CNTN5: variants seen among roughly 807,000 people sequenced by gnomAD.
The protein encoded by CNTN5 is contactin-5.
CNTN5 carries 77 observed loss-of-function variants against 129.1 expected under a neutral mutation model. The ratio of observed to expected loss-of-function variants is 0.60; its 90% CI spans 0.50 to 0.72. The LOEUF (loss-of-function observed/expected upper bound fraction) is 0.72, where lower values mean the gene tolerates loss of function less well. Among genes scored for constraint, CNTN5 ranks in the 30% least tolerant of loss-of-function variants. The probability of loss-of-function intolerance (pLI) is 0.00; values close to 1 mark genes in which losing one functional copy is unlikely to be tolerated. For missense variants in CNTN5, 1,478 were observed against 1,328.8 expected (o/e 1.11, Z -1.75); for synonymous variants, 509 against 465.6 (o/e 1.09, Z -1.20).
chr11:99,848,308 A>G (rs1296895833), intron 6 of CNTN5, among the ~76,000 whole-genome samples: 3 of 152,190 alleles, frequency 2.0e-5, no homozygotes, highest in Non-Finnish European at 2.9e-5. Flanking sequence ...TTAATAGAAT[A>G]TACTCACTGT....
At chr11:99,033,803 A>G (rs983649789) in intron 1 of CNTN5, among the ~76,000 whole-genome samples, 29 of 152,170 alleles carry the variant, frequency 1.9e-4, no homozygotes, top group African/African-American at 5.1e-4. Flanking sequence ...TTCCAACACT[A>G]TGGTGAATAG....
At chr11:100,058,693 C>T (rs900853848) in intron 9 of CNTN5, among the ~76,000 whole-genome samples, 9 of 152,016 alleles carry the variant, frequency 5.9e-5, no homozygotes, top group Non-Finnish European at 1.0e-4. Context: ...TTCGAAGATA[C>T]GTAAGGATGT....
intron 13 of CNTN5, among the ~76,000 whole-genome samples, chr11:100,154,023 T>C (rs1947151460): frequency 6.6e-6 from 1 of 152,086 alleles, no homozygotes; most frequent in South Asian, 2.1e-4. Flanking sequence ...CTTTTTTTAT[T>C]ACACTGTAAG....
intron 3 of CNTN5, among the ~76,000 whole-genome samples, chr11:99,696,148 C>A (rs1237086954): frequency 1.3e-5 from 2 of 151,974 alleles, no homozygotes; most frequent in African/African-American, 2.4e-5. Flanking sequence ...CCAATATTTT[C>A]TTTATACCTG....
At chr11:99,952,637 C>A (rs1182620298) in intron 7 of CNTN5, among the ~76,000 whole-genome samples, 1 of 152,048 alleles carries the variant, frequency 6.6e-6, no homozygotes, top group African/African-American at 2.4e-5. Context: ...CCTCAAGCTA[C>A]CCTCTCACCT....
chr11:99,799,791 G>T (rs886280992), intron 3 of CNTN5, among the ~76,000 whole-genome samples: 1 of 151,858 alleles, frequency 6.6e-6, no homozygotes, highest in African/African-American at 2.4e-5. Context: ...CCCTCCTCTT[G>T]AATTTTTTGG....
intron 6 of CNTN5, among the ~76,000 whole-genome samples, chr11:99,854,225 C>T (rs1338157697): frequency 6.6e-6 from 1 of 152,132 alleles, no homozygotes; most frequent in East Asian, 1.9e-4. Context: ...TACTCCAGCC[C>T]CACTATACTC....
intron 23 of CNTN5, among the ~76,000 whole-genome samples, chr11:100,346,945 A>G (rs1404664238): frequency 2.0e-5 from 3 of 152,124 alleles, no homozygotes; most frequent in African/African-American, 7.2e-5. Flanking sequence ...GAACTTGTGC[A>G]GGGAAACTCC....
intron 3 of CNTN5, among the ~76,000 whole-genome samples, chr11:99,770,352 CATA>C (rs1301615240): frequency 6.6e-6 from 1 of 152,004 alleles, no homozygotes; most frequent in African/African-American, 2.4e-5. Flanking sequence ...AACACATCCT[CATA>C]AGAGATCATT....
intron 3 of CNTN5, among the ~76,000 whole-genome samples, chr11:99,649,255 C>A (rs933047643): frequency 6.6e-6 from 1 of 151,604 alleles, no homozygotes; most frequent in Non-Finnish European, 1.5e-5. Context: ...AAGTATCTCC[C>A]AAATTACTTC....
At chr11:99,361,365 C>G (rs1391495666) in intron 2 of CNTN5, among the ~76,000 whole-genome samples, 3 of 152,030 alleles carry the variant, frequency 2.0e-5, no homozygotes, top group Non-Finnish European at 2.9e-5. Flanking sequence ...CTTTTGTGTC[C>G]ATTAGACAAG....
intron 2 of CNTN5, among the ~76,000 whole-genome samples, chr11:99,443,378 T>A (rs773452128): frequency 2.0e-5 from 3 of 152,208 alleles, no homozygotes; most frequent in Non-Finnish European, 4.4e-5. Flanking sequence ...ATTGTTGTTA[T>A]TGATGTTTTA....
At chr11:100,070,354 T>A in intron 10 of CNTN5, 70 bp from the exon 11 acceptor site, 2 of 1,462,596 alleles carry the variant, frequency 1.4e-6, no homozygotes. Context: ...AATTTTTCCA[T>A]GTAAATTTTA....
chr11:99,720,311 C>G (rs1423780361), intron 3 of CNTN5, among the ~76,000 whole-genome samples: 5 of 151,904 alleles, frequency 3.3e-5, no homozygotes, highest in Non-Finnish European at 5.9e-5. Context: ...CTAGCAGCAC[C>G]ATAATCAAGT....
At chr11:99,405,483 A>G (rs1443368853) in intron 2 of CNTN5, among the ~76,000 whole-genome samples, 4 of 151,932 alleles carry the variant, frequency 2.6e-5, no homozygotes, top group Non-Finnish European at 5.9e-5. Context: ...CGTTTCTTCT[A>G]TTAAAGGACT....
chr11:100,352,992 T>C (rs189933494), intron 24 of CNTN5, among the ~76,000 whole-genome samples: 1 of 151,520 alleles, frequency 6.6e-6, no homozygotes, highest in African/African-American at 2.4e-5. Context: ...TTTCTAGCAA[T>C]CCTTTGGGTT....
At chr11:99,882,210 T>A (rs1234276609) in intron 6 of CNTN5, among the ~76,000 whole-genome samples, 1 of 152,188 alleles carries the variant, frequency 6.6e-6, no homozygotes, top group Non-Finnish European at 1.5e-5. Context: ...GGTTTATATT[T>A]TATATATGAG....
intron 7 of CNTN5, among the ~76,000 whole-genome samples, chr11:99,935,824 C>G (rs528095214): frequency 1.3e-5 from 2 of 152,162 alleles, no homozygotes; most frequent in East Asian, 3.9e-4. Flanking sequence ...TTTGCTCAAA[C>G]CAATGAACTT....
intron 6 of CNTN5, among the ~76,000 whole-genome samples, chr11:99,911,230 T>G (rs1339839281): frequency 1.3e-5 from 2 of 152,072 alleles, no homozygotes; most frequent in African/African-American, 4.8e-5. Context: ...ATCGTATCTG[T>G]GTTCACAGCA....
Sources: gnomAD v4.1 joint callset for allele counts (sites outside exome capture counted in the v4.1 genomes callset) on GRCh38, gnomAD v4.1.1 for gene constraint, MANE v1.5 for transcripts, NCBI Gene and HGNC (gene_info 2026-07-23, HGNC 2026-07-21) for gene names.